Variants in TRPC5 observed in about 807,000 individuals in gnomAD.
TRPC5 encodes transient receptor potential cation channel subfamily C member 5, also known as short transient receptor potential channel 5.
In TRPC5, 9 loss-of-function variants were observed where a neutral mutation model predicts 56.5. That is an observed-to-expected ratio of 0.16 (90% CI 0.10 to 0.28). The LOEUF (loss-of-function observed/expected upper bound fraction) is 0.28. Ranked by LOEUF, TRPC5 falls within the 10% of genes least tolerant of loss-of-function variation. TRPC5 has a pLI of 1.00. For synonymous variants in TRPC5, 282 were observed against 278.5 expected (o/e 1.01, Z -0.13); for missense variants, 469 against 748.9 (o/e 0.63, Z 4.36).
intron 1 of TRPC5, among the ~76,000 whole-genome samples, chrX:112,066,257 A>C (rs1294055201): frequency 9.0e-6 from 1 of 110,538 alleles, no homozygotes; most frequent in Non-Finnish European, 1.9e-5. Flanking sequence ...CTCCTGTCTC[A>C]AACTATTGCA....
At chrX:111,789,442 T>G (rs1194579452) in intron 7 of TRPC5, among the ~76,000 whole-genome samples, 1 of 112,190 alleles carries the variant, frequency 8.9e-6, no homozygotes, top group Non-Finnish European at 1.9e-5. Flanking sequence ...TTAAACGTTA[T>G]ACCTAAAGCC....
At chrX:112,043,795 A>G (rs1012572018) in intron 1 of TRPC5, among the ~76,000 whole-genome samples, 5 of 111,198 alleles carry the variant, frequency 4.5e-5, no homozygotes, top group Non-Finnish European at 7.6e-5. Context: ...AAAAGATCCC[A>G]TGGCTCTTTT....
chrX:111,893,996 T>C (rs113214359), intron 3 of TRPC5, among the ~76,000 whole-genome samples: 1,321 of 111,826 alleles, frequency 0.012, 30 homozygotes, highest in Admixed American at 0.022. Context: ...CGAGAAGTTA[T>C]ATGTCTGTAG....
At chrX:111,916,824 G>A (rs1925990710) in intron 2 of TRPC5, among the ~76,000 whole-genome samples, 1 of 112,627 alleles carries the variant, frequency 8.9e-6, no homozygotes, top group Non-Finnish European at 1.9e-5. Context: ...CAGTGTGCAG[G>A]CCAAGCAAAA....
intron 2 of TRPC5, among the ~76,000 whole-genome samples, chrX:111,950,988 G>A (rs1302545113): frequency 8.9e-6 from 1 of 112,125 alleles, no homozygotes; most frequent in African/African-American, 3.2e-5. Context: ...GGATGCACAG[G>A]AATGGCAGGC....
chrX:111,815,872 A>C (rs1921846712), intron 7 of TRPC5, among the ~76,000 whole-genome samples: 2 of 111,270 alleles, frequency 1.8e-5, no homozygotes, highest in Non-Finnish European at 3.8e-5. Context: ...GAGTAGGTAT[A>C]ATTTGTGCAT....
chrX:111,802,850 T>G (rs2148560821), intron 7 of TRPC5, among the ~76,000 whole-genome samples: 1 of 111,554 alleles, frequency 9.0e-6, no homozygotes, highest in African/African-American at 3.3e-5. Context: ...CTTTATTTAT[T>G]TATTCATTTA....
chrX:111,889,292 G>A (rs900579123), intron 3 of TRPC5, among the ~76,000 whole-genome samples: 1 of 111,516 alleles, frequency 9.0e-6, no homozygotes, highest in Non-Finnish European at 1.9e-5. Flanking sequence ...TTTAGCAAGG[G>A]TAGTAAGGTG....
chrX:111,978,033 A>G (rs1453874345), intron 1 of TRPC5, among the ~76,000 whole-genome samples: 1 of 111,692 alleles, frequency 9.0e-6, no homozygotes, highest in African/African-American at 3.2e-5. Flanking sequence ...AAATTAGTGC[A>G]GCCATTATGG....
intron 1 of TRPC5, among the ~76,000 whole-genome samples, chrX:111,985,342 T>G (rs186329426): frequency 1.6e-3 from 178 of 112,060 alleles, no homozygotes; most frequent in Non-Finnish European, 2.6e-3. Context: ...CTAAAACTTC[T>G]TTGATCACCT....
chrX:111,799,638 C>A (rs774043560), intron 7 of TRPC5, among the ~76,000 whole-genome samples: 6 of 111,411 alleles, frequency 5.4e-5, no homozygotes, highest in Non-Finnish European at 1.1e-4. Context: ...TAGAAAAAGC[C>A]GTAGAAACCT....
At chrX:112,024,927 T>C (rs781540640) in intron 1 of TRPC5, among the ~76,000 whole-genome samples, 1 of 112,219 alleles carries the variant, frequency 8.9e-6, no homozygotes, top group South Asian at 3.7e-4. Flanking sequence ...TCTATGCCTA[T>C]GCCATAGTAA....
chrX:112,038,363 C>G (rs1022582517), intron 1 of TRPC5, among the ~76,000 whole-genome samples: 1 of 112,272 alleles, frequency 8.9e-6, no homozygotes, highest in Admixed American at 9.4e-5. Flanking sequence ...AAGGTCCACA[C>G]TATGATTTTC....
chrX:111,788,314 A>G (rs1366401773), intron 7 of TRPC5, among the ~76,000 whole-genome samples: 1 of 111,815 alleles, frequency 8.9e-6, no homozygotes, highest in Non-Finnish European at 1.9e-5. Flanking sequence ...AACAAAAACC[A>G]CATGATTATC....
chrX:111,964,972 C>T lies in TRPC5; in HGVS notation c.-21-12531G>A, dbSNP rs1003008884. ...ATGACAGGACCAAATTCACACATAA[C>T]AATATTAACTTTAAATGTAAATGGG... On this transcript the variant is annotated intron_variant, in intron 1 of 10. Coordinates refer to ENST00000262839, the MANE Select transcript of TRPC5 (RefSeq NM_012471.3). Among the ~76,000 whole-genome samples the T allele has an allele frequency of 8.9e-5, 10 of 111,797 alleles. No individual in the cohort carries two copies. In the East Asian group the frequency reaches 2.8e-3, roughly 31 times the overall value.
intron 2 of TRPC5, among the ~76,000 whole-genome samples, chrX:111,936,236 A>G (rs141695268): frequency 0.011 from 1,197 of 111,021 alleles, 22 homozygotes; most frequent in African/African-American, 0.038. Flanking sequence ...TGCTTTCTTG[A>G]TTTATTTTTC....
At chrX:111,904,165 C>T (rs1224372695) in intron 3 of TRPC5, among the ~76,000 whole-genome samples, 2 of 111,878 alleles carry the variant, frequency 1.8e-5, no homozygotes, top group Non-Finnish European at 3.8e-5. Flanking sequence ...AAACATAGTC[C>T]TTTCTCATTT....
At chrX:111,874,814 A>G (rs1015182853) in intron 3 of TRPC5, among the ~76,000 whole-genome samples, 3 of 112,670 alleles carry the variant, frequency 2.7e-5, no homozygotes, top group Admixed American at 9.4e-5. Flanking sequence ...ATACAGCCAC[A>G]TTCATTTGTT....
At chrX:111,838,097 A>G (rs1169485853) in intron 6 of TRPC5, among the ~76,000 whole-genome samples, 1 of 107,520 alleles carries the variant, frequency 9.3e-6, no homozygotes, top group African/African-American at 3.6e-5. Flanking sequence ...AAATAAATAA[A>G]TAATAAACAA....
Sources: allele counts gnomAD v4.1 joint callset (sites outside exome capture counted in the v4.1 genomes callset), GRCh38; gene constraint gnomAD v4.1.1; transcripts MANE v1.5; gene names NCBI Gene and HGNC (gene_info 2026-07-23, HGNC 2026-07-21).